The following CAPN7 variants were observed in gnomAD, a reference collection of about 807,000 sequenced individuals.
The protein encoded by CAPN7 is calpain 7, also known as calpain-7.
In CAPN7, 72 loss-of-function variants were observed where a neutral mutation model predicts 115.2. That is an observed-to-expected ratio of 0.63 (90% CI 0.52 to 0.76). The LOEUF (loss-of-function observed/expected upper bound fraction) is 0.76, where lower values mean the gene tolerates loss of function less well. CAPN7 is among the 30% of genes least tolerant of loss of function. The probability of loss-of-function intolerance (pLI) is 0.00; values close to 1 mark genes in which losing one functional copy is unlikely to be tolerated. For synonymous variants in CAPN7, 344 were observed against 322.3 expected, an observed-to-expected ratio of 1.07 and a Z score of -0.72; for missense variants, 905 against 971.5, an observed-to-expected ratio of 0.93 and a Z score of 0.91.
Position 15,251,389 on chromosome 3 carries a change from G to GA in CAPN7, c.*131dup, listed in dbSNP as rs1695998556. ...AAATCTCTAAAAACGTGTTACAGTG[G>GA]AATCTGGTGCTTGTCAGGGTGTTTG... On this transcript the variant is annotated 3_prime_UTR_variant, in exon 21 of 21. Transcript: ENST00000253693. 1.3e-6 allele frequency: 1 copy of GA among 772,834 alleles called. No homozygotes were observed. Among genetic ancestry groups the GA allele is most frequent in the Admixed American group, 2.9e-5 (1 of 34,890 alleles). The allele number at this position is 772,834 out of a possible 1,614,324, so 47.9% of individuals were successfully genotyped here.
In CAPN7 at chr3:15,241,578, T is replaced by C. The variant is rs1695352104; in HGVS notation, c.1778T>C (p.Ile593Thr). The C allele has an allele frequency of 3.1e-6, 5 of 1,613,820 alleles. No individual in the cohort carries two copies. The highest frequency in any genetic ancestry group is 1.1e-5 in the South Asian group (1 of 91,070). Residue 593 changes from isoleucine (I) to threonine (T), a missense_variant, in exon 15 of 21, where the codon ATA (isoleucine) becomes ACA (threonine). Transcript: ENST00000253693. ...AAVWVLLSRH[I>T]TDKDDFANNR... The stretch of plus-strand genomic sequence containing the variant: ...GTTTGGGTTTTGCTTAGTAGACACA[T>C]AACAGACAAGGTACTGATACCCTTC...
Position 15,233,880 on chromosome 3 carries a change from A to G in CAPN7, c.1193A>G (p.His398Arg), listed in dbSNP as rs1259653168. The G allele has an allele frequency of 1.3e-6, 2 of 1,590,060 alleles. No individual in the cohort carries two copies. Among genetic ancestry groups the G allele is most frequent in the Admixed American group, 3.4e-5 (2 of 59,604 alleles). ...FPGSNSNIDL[H>R]ALTGWIPERI... ...TTTCTGTTGCAGAATATTGATCTTC[A>G]TGCACTGACTGGCTGGATACCAGAA... Residue 398 changes from histidine to arginine, a missense_variant, in exon 11 of 21, where the codon CAT becomes CGT. By Grantham distance (29) the His-to-Arg change is conservative. This residue lies in a region of CAPN7 where 620 missense variants were observed against 703.4 expected (regional missense o/e 0.88). Coordinates refer to ENST00000253693, the MANE Select transcript of CAPN7 (RefSeq NM_014296.3).
chr3:15,249,909 T>G (rs1695901509), intron 19 of CAPN7, among the ~76,000 whole-genome samples: 1 of 151,478 alleles, frequency 6.6e-6, no homozygotes, highest in African/African-American at 2.4e-5. Flanking sequence ...AGGCTACAGG[T>G]GCACACCACC....
Position 15,206,506 on chromosome 3 carries a change from C to T in CAPN7, c.11C>T (p.Thr4Ile). The stretch of plus-strand genomic sequence containing the variant: ...CGGGGCCACTGCGCCATGGACGCCA[C>T]AGCACTGGAGCGGGACGCTGTGCAG... MDA[T>I]ALERDAVQFA... is the part of the protein sequence containing the mutation. Residue 4 changes from threonine to isoleucine, a missense_variant, in exon 1 of 21, where the codon ACA (threonine) becomes ATA (isoleucine). Thr to Ile is a moderately conservative substitution (Grantham distance 89). Coordinates refer to ENST00000253693, the MANE Select transcript of CAPN7 (RefSeq NM_014296.3). 5 of 1,550,460 alleles carry T rather than the reference C, an allele frequency of 3.2e-6. No individual in the cohort carries two copies. Among genetic ancestry groups the T allele is most frequent in the Non-Finnish European group, 4.4e-6 (5 of 1,147,584 alleles).
chr3:15,206,931 C>T (rs2044660759), intron 1 of CAPN7, among the ~76,000 whole-genome samples: 1 of 152,262 alleles, frequency 6.6e-6, no homozygotes, highest in South Asian at 2.1e-4. Context: ...TGATTTACAG[C>T]TAGCGGGAAA....
At chr3:15,247,295 TTTG>T (rs751617653) in intron 18 of CAPN7, 29 bp from the exon 19 acceptor site, 1 of 1,458,802 alleles carries the variant, frequency 6.9e-7, no homozygotes, top group African/African-American at 1.5e-5. Context: ...GAAATGAAAT[TTTG>T]TTAATACTAA....
chr3:15,245,197 CAAAA>C (rs1553610723), intron 16 of CAPN7, among the ~76,000 whole-genome samples: 1 of 139,924 alleles, frequency 7.1e-6, no homozygotes, highest in Admixed American at 7.2e-5. Context: ...AATTTCATCT[CAAAA>C]AAAAAACTAA....
At chr3:15,217,074 C>CAA (rs11286121) in intron 2 of CAPN7, among the ~76,000 whole-genome samples, 14 of 113,572 alleles carry the variant, frequency 1.2e-4, no homozygotes, top group African/African-American at 3.3e-4. Flanking sequence ...CCCATCTCTA[C>CAA]AAAAAAAAAA....
In CAPN7 at chr3:15,223,556, T is replaced by C; in HGVS notation, c.720T>C (p.Pro240=). The C allele has an allele frequency of 6.3e-7, 1 of 1,591,180 alleles. No individual in the cohort carries two copies. Among genetic ancestry groups the C allele is most frequent in the Non-Finnish European group, 8.6e-7 (1 of 1,164,580 alleles). ...DLRERFAYPM[P]FCDRWGKLPL... ...GAGAACGTTTTGCCTATCCAATGCC[T>C]TTCTGGTAAGTAAGCACTGTTGCAA... The change falls in exon 6 of 21, where the codon CCT becomes CCC. Residue 240 remains proline, a synonymous_variant. Coordinates refer to ENST00000253693, the MANE Select transcript of CAPN7 (RefSeq NM_014296.3).
rs774689348 is a variant in CAPN7, at chr3:15,245,621, T to G, written c.1960T>G (p.Leu654Val). 4 of 1,613,982 alleles carry G rather than the reference T, an allele frequency of 2.5e-6. No individual in the cohort carries two copies. The highest frequency in any genetic ancestry group is 3.4e-6 in the Non-Finnish European group (4 of 1,179,932). The change falls in exon 17 of 21, where the codon TTA (leucine) becomes GTA (valine). Residue 654 changes from leucine (L) to valine (V), a missense_variant. Transcript: ENST00000253693. Reference sequence around the variant, plus strand: ...CACACCTGGCACCCATACCTTTACATTAGTGGTTTCTCAATATGAAAAACA... The same window carrying G: ...CACACCTGGCACCCATACCTTTACAGTAGTGGTTTCTCAATATGAAAAACA... ...LTTPGTHTFT[L>V]VVSQYEKQNT...
At chr3:15,250,191 A>G (rs781271808) in intron 19 of CAPN7, among the ~76,000 whole-genome samples, 2 of 149,722 alleles carry the variant, frequency 1.3e-5, no homozygotes, top group Non-Finnish European at 3.0e-5. Flanking sequence ...TGGGCAGCAT[A>G]GTGAGACCCC....
Position 15,225,980 on chromosome 3 carries a change from A to C in CAPN7, c.726-1859A>C, listed in dbSNP as rs142774206. Among the ~76,000 whole-genome samples the C allele has an allele frequency of 2.8e-3, 421 of 152,316 alleles. 6 individuals carry two copies. Among genetic ancestry groups the C allele is most frequent in the African/African-American group, 9.6e-3 (401 of 41,578 alleles). On this transcript the variant is annotated intron_variant, in intron 6 of 20. Coordinates refer to ENST00000253693, the MANE Select transcript of CAPN7 (RefSeq NM_014296.3). ...CCAGAATTTATCTTTCGCTAGAGAG[A>C]TTGAATTATTTTTTAAAATTGTTTC...
intron 16 of CAPN7, among the ~76,000 whole-genome samples, chr3:15,243,359 C>T (rs1695465703): frequency 6.6e-6 from 1 of 152,212 alleles, no homozygotes; most frequent in East Asian, 1.9e-4. Context: ...TGTCCTGGCT[C>T]CAAATGAAGA....
intron 1 of CAPN7, among the ~76,000 whole-genome samples, chr3:15,211,483 G>A (rs545230227): frequency 6.6e-5 from 10 of 152,186 alleles, no homozygotes; most frequent in African/African-American, 2.4e-4. Context: ...TAGCTCCTTC[G>A]GTAGAGCATC....
At position 15,235,160 on chromosome 3, in the gene CAPN7, CT is replaced by C. The variant is rs1575216533; in HGVS notation, c.1407+20del. ...GAGAGTTCAAGGTTTTGCCTTAAAT[CT>C]TTTTCTTTTATTTTTCTTGTTGGAT... On this transcript the variant is annotated intron_variant, in intron 12 of 20. Transcript: ENST00000253693. The C allele has an allele frequency of 6.3e-7, 1 of 1,576,688 alleles. No individual in the cohort carries two copies. Among genetic ancestry groups the C allele is most frequent in the Non-Finnish European group, 8.6e-7 (1 of 1,165,722 alleles).
chr3:15,215,628 T>C (rs1352486473), intron 2 of CAPN7, among the ~76,000 whole-genome samples: 2 of 152,256 alleles, frequency 1.3e-5, no homozygotes, highest in Non-Finnish European at 2.9e-5. Context: ...CTGAGTTTAA[T>C]GTTTGCAAGA....
intron 12 of CAPN7, among the ~76,000 whole-genome samples, chr3:15,238,336 G>C (rs1049115219): frequency 6.6e-6 from 1 of 151,602 alleles, no homozygotes; most frequent in Non-Finnish European, 1.5e-5. Flanking sequence ...GGATGGTCTC[G>C]ATCTCCTGAC....
rs1559379001 is a variant in CAPN7, at chr3:15,206,289, A to ACG, written c.-207_-206insCG. 1 of 445,144 alleles carries ACG rather than the reference A, an allele frequency of 2.2e-6. No individual in the cohort carries two copies. The highest frequency in any genetic ancestry group is 4.0e-6 in the Non-Finnish European group (1 of 250,480). The allele number at this position is 445,144 out of a possible 1,614,324, so 27.6% of individuals were successfully genotyped here. ...GAAGTGGGGCGGCCGGGTGGGCTACAAGCCGGGTCTGGGCTGAGGGGCGCG... is the reference window on the plus strand; with the variant it reads ...GAAGTGGGGCGGCCGGGTGGGCTACACGAGCCGGGTCTGGGCTGAGGGGCGCG... On this transcript the variant is annotated 5_prime_UTR_variant, in exon 1 of 21. Coordinates refer to ENST00000253693, the MANE Select transcript of CAPN7 (RefSeq NM_014296.3).
At position 15,251,696 on chromosome 3, in the gene CAPN7, G is replaced by T. The variant is rs911734002; in HGVS notation, c.*436G>T. 1 of 152,956 alleles carries T rather than the reference G, an allele frequency of 6.5e-6. No homozygotes were observed. The highest frequency in any genetic ancestry group is 2.4e-5 in the African/African-American group (1 of 41,464). The allele number at this position is 152,956 out of a possible 1,614,324, so 9.5% of individuals were successfully genotyped here. ...GTTTCCCTTTTTTGCAGAGCATGTG[G>T]AAGTTAAACCTGCTTGATTCTACTA... On this transcript the variant is annotated 3_prime_UTR_variant, in exon 21 of 21. Transcript: ENST00000253693.
Sources: allele counts gnomAD v4.1 joint callset (sites outside exome capture counted in the v4.1 genomes callset), GRCh38; gene constraint gnomAD v4.1.1; regional missense constraint gnomAD v4.1.1; transcripts MANE v1.5; gene names NCBI Gene and HGNC (gene_info 2026-07-23, HGNC 2026-07-21).